NELL1: variants seen among roughly 807,000 people sequenced by gnomAD.
NELL1 encodes neural EGFL like 1, also known as protein kinase C-binding protein NELL1.
Under a neutral mutation model 107.4 loss-of-function variants are expected in NELL1, and 76 were observed. The observed-to-expected ratio is 0.71, with a 90% CI of 0.59 to 0.86. The LOEUF (loss-of-function observed/expected upper bound fraction) is 0.86, where lower values mean the gene tolerates loss of function less well. NELL1 is among the 40% of genes least tolerant of loss of function. The pLI, the probability that NELL1 is intolerant of heterozygous loss-of-function variation, is 0.00. For synonymous variants in NELL1, 353 were observed against 341.2 expected (o/e 1.03, Z -0.38); for missense variants, 1,024 against 1,005.5 (o/e 1.02, Z -0.25).
rs574222159 is a variant in NELL1, at chr11:20,727,514, T to C, written c.184+49454T>C. Among the ~76,000 whole-genome samples the C allele has an allele frequency of 3.9e-5, 6 of 152,290 alleles. No homozygotes were observed. The South Asian group carries it at 1.2e-3, about 32-fold the overall frequency. ...GGATATTAGCCCTTTGTCAGATGGG[T>C]AGATTGTAAAATTTTCTCCCATTCT... On this transcript the variant is annotated intron_variant, in intron 2 of 19. Coordinates refer to ENST00000357134, the MANE Select transcript of NELL1 (RefSeq NM_006157.5).
chr11:20,814,794 T>G (rs982284942), intron 3 of NELL1, among the ~76,000 whole-genome samples: 1 of 152,200 alleles, frequency 6.6e-6, no homozygotes, highest in Non-Finnish European at 1.5e-5. Context: ...TAGAAAGATT[T>G]GTTTTTGTTT....
intron 15 of NELL1, among the ~76,000 whole-genome samples, chr11:21,390,784 A>G (rs1851857529): frequency 6.6e-6 from 1 of 151,832 alleles, no homozygotes; most frequent in Non-Finnish European, 1.5e-5. Flanking sequence ...TGCTAATAAT[A>G]ATGTCCTCCC....
intron 15 of NELL1, among the ~76,000 whole-genome samples, chr11:21,446,694 A>T (rs887916351): frequency 3.3e-5 from 5 of 152,198 alleles, no homozygotes; most frequent in African/African-American, 1.2e-4. Context: ...GGTAGCCAGC[A>T]CCACTGGGAC....
At chr11:20,880,032 T>C (rs1849379216) in intron 4 of NELL1, among the ~76,000 whole-genome samples, 1 of 152,206 alleles carries the variant, frequency 6.6e-6, no homozygotes, top group Admixed American at 6.5e-5. Flanking sequence ...TTTTTTCTGT[T>C]ACATATTAGC....
chr11:21,536,752 A>G (rs1447997970), intron 16 of NELL1, among the ~76,000 whole-genome samples: 2 of 152,190 alleles, frequency 1.3e-5, no homozygotes, highest in African/African-American at 4.8e-5. Context: ...TCCCAGCCAC[A>G]TAACTGGTTT....
intron 14 of NELL1, among the ~76,000 whole-genome samples, chr11:21,327,786 G>A (rs1168761203): frequency 2.6e-5 from 4 of 152,108 alleles, no homozygotes; most frequent in African/African-American, 9.7e-5. Flanking sequence ...CCATACTGAG[G>A]TGGTCTCGGA....
chr11:21,393,639 A>T (rs1029762515), intron 15 of NELL1, among the ~76,000 whole-genome samples: 1 of 151,738 alleles, frequency 6.6e-6, no homozygotes, highest in Non-Finnish European at 1.5e-5. Flanking sequence ...ACAGGAAAGC[A>T]TTGCTCTAAC....
chr11:21,410,376 T>A (rs1345607165), intron 15 of NELL1, among the ~76,000 whole-genome samples: 2 of 152,084 alleles, frequency 1.3e-5, no homozygotes, highest in Non-Finnish European at 2.9e-5. Context: ...TCAAGTTCCA[T>A]CAGGTTTTGC....
intron 13 of NELL1, among the ~76,000 whole-genome samples, chr11:21,194,447 A>AG (rs1009706527): frequency 1.9e-4 from 29 of 151,282 alleles, no homozygotes; most frequent in African/African-American, 6.6e-4. Flanking sequence ...ATATGTCTGG[A>AG]CCCCCCCATA....
intron 15 of NELL1, among the ~76,000 whole-genome samples, chr11:21,491,029 A>T (rs1854793202): frequency 6.6e-6 from 1 of 152,128 alleles, no homozygotes; most frequent in Non-Finnish European, 1.5e-5. Flanking sequence ...GAATGGGAGA[A>T]ACTATTTGCA....
chr11:21,062,862 C>T (rs901903089), intron 12 of NELL1, among the ~76,000 whole-genome samples: 2 of 152,108 alleles, frequency 1.3e-5, no homozygotes, highest in Non-Finnish European at 2.9e-5. Flanking sequence ...GAGTCTCACT[C>T]TGTCGCCCAG....
intron 14 of NELL1, among the ~76,000 whole-genome samples, chr11:21,262,932 T>C (rs1217437715): frequency 7.9e-5 from 12 of 151,894 alleles, no homozygotes; most frequent in Non-Finnish European, 2.9e-5. Context: ...ATTTTTATAC[T>C]TGTCTTCTTA....
At chr11:21,326,458 A>C (rs1850144838) in intron 14 of NELL1, among the ~76,000 whole-genome samples, 1 of 152,078 alleles carries the variant, frequency 6.6e-6, no homozygotes, top group South Asian at 2.1e-4. Flanking sequence ...ATTGTTACAC[A>C]TTTTAAATTT....
At chr11:20,783,390 C>T (rs1344100260) in intron 2 of NELL1, among the ~76,000 whole-genome samples, 5 of 152,194 alleles carry the variant, frequency 3.3e-5, no homozygotes, top group Non-Finnish European at 5.9e-5. Flanking sequence ...CAATTGGGAA[C>T]TTGTCAAAGT....
At chr11:20,915,195 A>G (rs1283874209) in intron 5 of NELL1, among the ~76,000 whole-genome samples, 16 of 152,126 alleles carry the variant, frequency 1.1e-4, no homozygotes, top group Admixed American at 4.6e-4. Context: ...TACTCTATTT[A>G]TATATGAGTT....
chr11:20,957,512 C>T (rs1015458152), intron 11 of NELL1, among the ~76,000 whole-genome samples: 2 of 152,118 alleles, frequency 1.3e-5, no homozygotes, highest in African/African-American at 4.8e-5. Flanking sequence ...AAAAGAATAA[C>T]TCAAAACACA....
intron 2 of NELL1, among the ~76,000 whole-genome samples, chr11:20,757,947 A>G (rs1856334052): frequency 6.6e-6 from 1 of 152,228 alleles, no homozygotes; most frequent in Admixed American, 6.5e-5. Flanking sequence ...TTAGGGTTTC[A>G]GCATGGTCAG....
At chr11:20,741,069 CTTCT>C (rs1292648665) in intron 2 of NELL1, among the ~76,000 whole-genome samples, 1 of 152,054 alleles carries the variant, frequency 6.6e-6, no homozygotes, top group Non-Finnish European at 1.5e-5. Flanking sequence ...CTCTCCTTTA[CTTCT>C]TTCTGGCCCC....
intron 3 of NELL1, among the ~76,000 whole-genome samples, chr11:20,784,501 C>A (rs1177780622): frequency 1.3e-5 from 2 of 151,820 alleles, no homozygotes; most frequent in African/African-American, 4.8e-5. Context: ...GTCGTTGGAA[C>A]ATAAAAGTGT....
Sources: allele counts gnomAD v4.1 joint callset (sites outside exome capture counted in the v4.1 genomes callset), GRCh38; gene constraint gnomAD v4.1.1; transcripts MANE v1.5; gene names NCBI Gene and HGNC (gene_info 2026-07-23, HGNC 2026-07-21).